The following IRF8 variants were observed in gnomAD, a reference collection of about 807,000 sequenced individuals.
IRF8 encodes interferon consensus sequence binding protein 1.
A neutral mutation model predicts 48.7 loss-of-function variants in IRF8; 14 were observed. That is an observed-to-expected ratio of 0.29 (90% CI 0.19 to 0.45). The LOEUF is 0.45. Ranked by LOEUF, IRF8 falls within the 20% of genes least tolerant of loss-of-function variation. The pLI is 1.00. For missense variants in IRF8, 493 were observed against 580.7 expected, an observed-to-expected ratio of 0.85 and a Z score of 1.55; for synonymous variants, 278 against 227.3, an observed-to-expected ratio of 1.22 and a Z score of -2.01.
At chr16:85,910,769 A>T (rs1167864763) in intron 3 of IRF8, among the ~76,000 whole-genome samples, 1 of 152,176 alleles carries the variant, frequency 6.6e-6, no homozygotes, top group African/African-American at 2.4e-5. Context: ...CCTGCTCCCT[A>T]CTTCCCCATC....
rs886705116 is a variant in IRF8 at position 85,908,933 on chromosome 16, G to A, written c.175-57G>A. On this transcript the variant is annotated intron_variant, in intron 2 of 8. Transcript: ENST00000268638. Reference sequence around the variant, plus strand: ...TGTGTGGGGTCCTGGTCATGGTGACGGATATTTGTGATTGGAGTCGGCCAT... The same window carrying A: ...TGTGTGGGGTCCTGGTCATGGTGACAGATATTTGTGATTGGAGTCGGCCAT... 25 of 1,440,736 alleles carry A rather than the reference G, an allele frequency of 1.7e-5. No individual in the cohort carries two copies. The African/African-American group carries it at 2.1e-4, about 12-fold the overall frequency. 89.2% of individuals were successfully genotyped at this position (1,440,736 alleles called of 1,614,324 possible).
intron 2 of IRF8, among the ~76,000 whole-genome samples, chr16:85,904,589 T>A (rs1207165367): frequency 6.6e-6 from 1 of 152,148 alleles, no homozygotes; most frequent in African/African-American, 2.4e-5. Context: ...CTGATCTTCT[T>A]GAGAATCTGA....
intron 6 of IRF8, 94 bp downstream of exon 6, chr16:85,914,614 A>G (rs1905244405): frequency 7.1e-7 from 1 of 1,415,612 alleles, no homozygotes; most frequent in Non-Finnish European, 9.9e-7. Context: ...GAGGATGAGC[A>G]GGACCTGGTG....
intron 5 of IRF8, 77 bp from the exon 6 acceptor site, chr16:85,914,396 G>T (rs1905233819): frequency 6.4e-7 from 1 of 1,571,106 alleles, no homozygotes; most frequent in Admixed American, 1.7e-5. Context: ...GGGACTTTTG[G>T]AGAAGGAGCG....
intron 2 of IRF8, among the ~76,000 whole-genome samples, chr16:85,907,372 G>C (rs1268510729): frequency 6.6e-6 from 1 of 152,198 alleles, no homozygotes; most frequent in African/African-American, 2.4e-5. Flanking sequence ...CAAATCCCTG[G>C]AATACTGGCT....
At chr16:85,914,247 G>A (rs1905229236) in intron 5 of IRF8, 1 of 594,632 alleles carries the variant, frequency 1.7e-6, no homozygotes, top group Non-Finnish European at 3.1e-6. Flanking sequence ...CCACAGCATA[G>A]AGGAAGTCCC....
Position 85,921,376 on chromosome 16 carries a change from G to C in IRF8, c.*94G>C, listed in dbSNP as rs758531583. 6.0e-6 allele frequency: 8 copies of C among 1,344,218 alleles called. No homozygotes were observed. The highest frequency in any genetic ancestry group is 1.7e-5 in the Admixed American group (1 of 59,594). The allele number at this position is 1,344,218 out of a possible 1,614,324, so 83.3% of individuals were successfully genotyped here. A position where few individuals can be genotyped will look rare whatever the true frequency, so the allele number is the denominator to read the frequency against. ...ATGATTAAAGAATGTGGATCCCTCT[G>C]TCTGGGGTGGGATGCCTTACTTTGC... On this transcript the variant is annotated 3_prime_UTR_variant, in exon 9 of 9. Transcript: ENST00000268638.
chr16:85,900,498 AG>A (rs534187589), intron 1 of IRF8, among the ~76,000 whole-genome samples: 77 of 152,252 alleles, frequency 5.1e-4, no homozygotes, highest in Non-Finnish European at 9.6e-4. Flanking sequence ...GATGTTACTT[AG>A]AATCTTGGAG....
rs971744168 is a variant in IRF8 at position 85,909,251 on chromosome 16, G to A, written c.358+78G>A. ...CCTTCACCACAGAACTTGGGTCTGG[G>A]GTAGACACAGGGTCTGGGGCACATA... On this transcript the variant is annotated intron_variant, in intron 3 of 8. Coordinates refer to ENST00000268638, the MANE Select transcript of IRF8 (RefSeq NM_002163.4). The A allele has an allele frequency of 7.8e-6, 9 of 1,151,904 alleles. No homozygotes were observed. In the East Asian group the frequency reaches 1.5e-4, roughly 19 times the overall value. 71.4% of individuals were successfully genotyped at this position (1,151,904 alleles called of 1,614,324 possible).
At chr16:85,903,751 GGTTTGTTC>G (rs1904902146) in intron 2 of IRF8, among the ~76,000 whole-genome samples, 1 of 152,112 alleles carries the variant, frequency 6.6e-6, no homozygotes, top group East Asian at 1.9e-4. Flanking sequence ...CGTGATGGAG[GGTTTGTTC>G]TGTGCCAGGC....
intron 3 of IRF8, among the ~76,000 whole-genome samples, chr16:85,910,123 T>C (rs1942493398): frequency 6.6e-6 from 1 of 152,186 alleles, no homozygotes; most frequent in Admixed American, 6.5e-5. Flanking sequence ...AACAAATCTA[T>C]AGTGAATCTG....
intron 1 of IRF8, among the ~76,000 whole-genome samples, chr16:85,899,564 T>C (rs141349420): frequency 4.6e-5 from 7 of 152,328 alleles, no homozygotes; most frequent in Admixed American, 3.3e-4. Context: ...AAACGCGCTC[T>C]ATCATCCCAC....
rs1905502922 is a variant in IRF8 at position 85,920,250 on chromosome 16, T to TC, written c.1104+26_1104+27insC. On this transcript the variant is annotated intron_variant, in intron 8 of 8. Transcript: ENST00000268638. ...GTAAGTATGGGCAGCTTTTTTTTTT[T>TC]TTTTTTTTTTTTTTGAGATGGAGTC... 3 of 1,328,544 alleles carry TC rather than the reference T, an allele frequency of 2.3e-6. No homozygotes were observed. The East Asian group carries it at 7.5e-5, about 33-fold the overall frequency. 82.3% of individuals were successfully genotyped at this position (1,328,544 alleles called of 1,614,324 possible). A position where few individuals can be genotyped will look rare whatever the true frequency, so the allele number is the denominator to read the frequency against.
chr16:85,909,148 A>T lies in IRF8; in HGVS notation c.333A>T (p.Arg111=). ...TTTCCGAGCCATACAAAGTTTACCG[A>T]ATTGTTCCTGAGGAAGAGCAAAAAT... The part of the protein sequence containing the change: ...LDISEPYKVY[R]IVPEEEQKCK... The change falls in exon 3 of 9, where the codon CGA becomes CGT. Residue 111 remains arginine, a synonymous_variant. Transcript: ENST00000268638. 6.2e-7 allele frequency: 1 copy of T among 1,614,186 alleles called. No homozygotes were observed. The highest frequency in any genetic ancestry group is 1.1e-5 in the South Asian group (1 of 91,088).
chr16:85,902,107 T>C (rs1175330929), intron 1 of IRF8, among the ~76,000 whole-genome samples: 1 of 152,062 alleles, frequency 6.6e-6, no homozygotes, highest in East Asian at 1.9e-4. Context: ...TTGGGTGCCC[T>C]GGGATGGTTA....
chr16:85,920,268 ATG>A, intron 8 of IRF8, 44 bp downstream of exon 8: 1 of 964,714 alleles, frequency 1.0e-6, no homozygotes, highest in Non-Finnish European at 1.5e-6. Flanking sequence ...TTTTTTTGAG[ATG>A]GAGTCTTGCT....
chr16:85,920,304 T>G (rs1905507388), intron 8 of IRF8, 80 bp downstream of exon 8: 1 of 940,614 alleles, frequency 1.1e-6, no homozygotes, highest in Non-Finnish European at 1.6e-6. Context: ...TGGTGTGCAA[T>G]GGCGTGACCT....
At chr16:85,903,732 G>T (rs1038572227) in intron 2 of IRF8, among the ~76,000 whole-genome samples, 2 of 152,302 alleles carry the variant, frequency 1.3e-5, no homozygotes, top group African/African-American at 4.8e-5. Flanking sequence ...TTCCCCATGC[G>T]TGGAGAGACG....
At chr16:85,906,820 G>T (rs1043948195) in intron 2 of IRF8, among the ~76,000 whole-genome samples, 73 of 152,094 alleles carry the variant, frequency 4.8e-4, no homozygotes, top group Non-Finnish European at 1.8e-4. Context: ...TAGGGGAGGG[G>T]TGCTATTGGC....
Sources: gnomAD v4.1 joint callset for allele counts (sites outside exome capture counted in the v4.1 genomes callset) on GRCh38, gnomAD v4.1.1 for gene constraint, MANE v1.5 for transcripts, NCBI Gene and HGNC (gene_info 2026-07-23, HGNC 2026-07-21) for gene names.